Variants in USP33 observed in about 807,000 individuals in gnomAD.
USP33 encodes the protein ubiquitin specific peptidase 33.
Under a neutral mutation model 124.2 loss-of-function variants are expected in USP33, and 46 were observed. The ratio of observed to expected loss-of-function variants is 0.37; its 90% CI spans 0.29 to 0.47. The LOEUF is 0.47. USP33 is among the 20% of genes least tolerant of loss of function. The pLI is 0.99. For synonymous variants in USP33, 350 were observed against 352.3 expected (o/e 0.99, Z 0.07); for missense variants, 851 against 1,070.6 (o/e 0.79, Z 2.86).
chr1:77,747,542 G>A (rs1290232487), intron 1 of USP33, among the ~76,000 whole-genome samples: 1 of 152,088 alleles, frequency 6.6e-6, no homozygotes, highest in Non-Finnish European at 1.5e-5. Context: ...ATAAGCATGA[G>A]CCACTGCACC....
Position 77,711,829 on chromosome 1 carries a change from T to G in USP33, c.2324A>C (p.His775Pro). 2 of 1,607,654 alleles carry G rather than the reference T, an allele frequency of 1.2e-6. No homozygotes were observed. The highest frequency in any genetic ancestry group is 1.7e-6 in the Non-Finnish European group (2 of 1,178,294). ...SRYGGGPAVN[H>P]LYICHTCQIE... is the part of the protein sequence containing the mutation. ...TTGGCAAGTATGACAAATGTACAGA[T>G]GGTTGACAGCTGGTCCTCCACCATA... Residue 775 changes from histidine (H) to proline (P), a missense_variant, in exon 21 of 24, where the codon CAT (histidine) becomes CCT (proline). Around this residue, in one of 4 missense-constraint regions of USP33, gnomAD observed 281 missense variants for 425.0 expected, o/e 0.66. Coordinates refer to ENST00000370794, the MANE Select transcript of USP33 (RefSeq NM_201624.3).
intron 9 of USP33, 114 bp from the exon 10 acceptor site, chr1:77,728,826 T>C: frequency 1.8e-6 from 2 of 1,129,084 alleles, no homozygotes; most frequent in Non-Finnish European, 2.5e-6. Flanking sequence ...AGCACTATAT[T>C]GAGCAAATAC....
At chr1:77,730,575 T>C (rs777928302) in intron 8 of USP33, 43 bp downstream of exon 8, 15 of 1,360,520 alleles carry the variant, frequency 1.1e-5, no homozygotes, top group Non-Finnish European at 1.2e-5. Flanking sequence ...ATAATATTCA[T>C]TTAAAAGTTT....
intron 1 of USP33, among the ~76,000 whole-genome samples, chr1:77,742,604 G>A (rs1256529838): frequency 6.6e-6 from 1 of 152,134 alleles, no homozygotes; most frequent in Non-Finnish European, 1.5e-5. Flanking sequence ...CAAGTAAAGC[G>A]AGTGATTTCC....
intron 1 of USP33, among the ~76,000 whole-genome samples, chr1:77,742,814 T>C (rs932891183): frequency 3.3e-5 from 5 of 152,220 alleles, no homozygotes; most frequent in African/African-American, 9.6e-5. Flanking sequence ...TTGTGGTTTA[T>C]AAGTTATTCA....
chr1:77,727,326 A>T (rs770205865), intron 10 of USP33, among the ~76,000 whole-genome samples: 5 of 152,206 alleles, frequency 3.3e-5, no homozygotes, highest in Non-Finnish European at 7.3e-5. Flanking sequence ...TTACAGAGCA[A>T]TCAAAGATGA....
At chr1:77,723,962 C>A (rs1045399724) in intron 11 of USP33, among the ~76,000 whole-genome samples, 1 of 151,968 alleles carries the variant, frequency 6.6e-6, no homozygotes, top group Non-Finnish European at 1.5e-5. Flanking sequence ...CCGCACCCAG[C>A]CTGTTTTTTT....
intron 3 of USP33, among the ~76,000 whole-genome samples, 197 bp from the exon 4 acceptor site, chr1:77,741,136 A>G (rs1212606995): frequency 1.3e-5 from 2 of 152,216 alleles, no homozygotes; most frequent in Non-Finnish European, 2.9e-5. Context: ...CTAAGCTAAA[A>G]GCTATGTCAT....
At chr1:77,755,541 T>A (rs570607480) in intron 1 of USP33, among the ~76,000 whole-genome samples, 1 of 152,098 alleles carries the variant, frequency 6.6e-6, no homozygotes, top group East Asian at 1.9e-4. Context: ...TACCAAAAAA[T>A]ACAAAAATTA....
intron 18 of USP33, among the ~76,000 whole-genome samples, 181 bp downstream of exon 18, chr1:77,715,561 T>C (rs891532781): frequency 6.6e-6 from 1 of 152,260 alleles, no homozygotes; most frequent in African/African-American, 2.4e-5. Flanking sequence ...GTAAATGATT[T>C]AGCATTTTCT....
chr1:77,715,482 G>T (rs890514265), intron 18 of USP33, among the ~76,000 whole-genome samples: 2 of 152,222 alleles, frequency 1.3e-5, no homozygotes, highest in African/African-American at 2.4e-5. Context: ...TGGGATTACA[G>T]GCCTGAGCCA....
intron 15 of USP33, among the ~76,000 whole-genome samples, chr1:77,719,857 A>C (rs1302244065): frequency 3.9e-5 from 2 of 51,618 alleles, no homozygotes; most frequent in Non-Finnish European, 6.3e-5. Flanking sequence ...CCCTCTCAAG[A>C]AAAAAAAAAA....
chr1:77,735,890 CA>C (rs148599680), intron 6 of USP33, among the ~76,000 whole-genome samples, 165 bp downstream of exon 6: 2,024 of 152,176 alleles, frequency 0.013, 39 homozygotes, highest in African/African-American at 0.047. Context: ...CCAGAGAAAC[CA>C]AAAGTTTGTT....
rs116242095 is a variant in USP33, at chr1:77,754,195, T to C, written c.-52+5448A>G. Among the ~76,000 whole-genome samples, 1,074 of 152,326 alleles carry C rather than the reference T, an allele frequency of 7.1e-3. 15 individuals carry two copies. Among genetic ancestry groups the C allele is most frequent in the African/African-American group, 0.024 (1,000 of 41,558 alleles). On this transcript the variant is annotated intron_variant, in intron 1 of 23. Coordinates refer to ENST00000370794, the MANE Select transcript of USP33 (RefSeq NM_201624.3). ...AGCACTTTGCACTAAAAACTCAGAA[T>C]TGAATTAAGATTCTATGATTATAAA...
At chr1:77,704,584 TCTCA>T (rs1165345954) in intron 21 of USP33, among the ~76,000 whole-genome samples, 2 of 152,216 alleles carry the variant, frequency 1.3e-5, no homozygotes, top group Non-Finnish European at 2.9e-5. Context: ...TAAATGTAGT[TCTCA>T]CTCTGTTCTC....
chr1:77,748,278 T>C (rs1679933402), intron 1 of USP33, among the ~76,000 whole-genome samples: 1 of 152,196 alleles, frequency 6.6e-6, no homozygotes, highest in Admixed American at 6.5e-5. Context: ...AATGTGATCA[T>C]GGGCATCCCC....
At position 77,749,888 on chromosome 1, in the gene USP33, AT is replaced by A. The variant is rs751877798; in HGVS notation, c.-51-8141del. Among the ~76,000 whole-genome samples the A allele has an allele frequency of 6.6e-5, 10 of 152,292 alleles. No homozygotes were observed. The South Asian group carries it at 1.9e-3, about 28-fold the overall frequency. Reference sequence around the variant, plus strand: ...TTGAAAAGAAACTTCCAAGATAAATATTTTTTTCTAAAATCTCAAGCAAAAA... The same window carrying A: ...TTGAAAAGAAACTTCCAAGATAAATATTTTTTCTAAAATCTCAAGCAAAAA... On this transcript the variant is annotated intron_variant, in intron 1 of 23. Transcript: ENST00000370794.
In USP33 at chr1:77,696,048, A is replaced by G. The variant is rs1335019830; in HGVS notation, c.*1269T>C. The stretch of plus-strand genomic sequence containing the variant: ...TAACAACATTGCTTTAGCTGGTGAC[A>G]GCTGCCCCAAACCAAAACAAAGCCA... On this transcript the variant is annotated 3_prime_UTR_variant, in exon 24 of 24. Coordinates refer to ENST00000370794, the MANE Select transcript of USP33 (RefSeq NM_201624.3). 1 of 152,228 alleles carries G rather than the reference A, an allele frequency of 6.6e-6. No homozygotes were observed. The highest frequency in any genetic ancestry group is 1.5e-5 in the Non-Finnish European group (1 of 68,054). The allele number at this position is 152,228 out of a possible 1,614,324, so 9.4% of individuals were successfully genotyped here. A position where few individuals can be genotyped will look rare whatever the true frequency, so the allele number is the denominator to read the frequency against.
intron 5 of USP33, among the ~76,000 whole-genome samples, chr1:77,737,165 G>C (rs911642071): frequency 6.6e-6 from 1 of 152,042 alleles, no homozygotes; most frequent in Non-Finnish European, 1.5e-5. Context: ...CCAACATTCA[G>C]CAACACCCAA....
Sources: gnomAD v4.1 joint callset for allele counts (sites outside exome capture counted in the v4.1 genomes callset) on GRCh38, gnomAD v4.1.1 for gene constraint, gnomAD v4.1.1 regional missense constraint, MANE v1.5 for transcripts, NCBI Gene and HGNC (gene_info 2026-07-23, HGNC 2026-07-21) for gene names.